CDH18: variants seen among roughly 807,000 people sequenced by gnomAD.
The protein encoded by CDH18 is cadherin-18.
CDH18 carries 31 observed loss-of-function variants against 67.9 expected under a neutral mutation model. The ratio of observed to expected loss-of-function variants is 0.46; its 90% confidence interval spans 0.34 to 0.62. CDH18 has a LOEUF of 0.62. Among genes scored for constraint, CDH18 ranks in the 20% least tolerant of loss-of-function variants. CDH18 has a pLI of 0.01. For missense variants in CDH18, 890 were observed against 975.5 expected, an observed-to-expected ratio of 0.91 and a Z score of 1.17; for synonymous variants, 362 against 347.2, an observed-to-expected ratio of 1.04 and a Z score of -0.48.
At chr5:19,625,379 G>C in intron 5 of CDH18, among the ~76,000 whole-genome samples, 1 of 151,120 alleles carries the variant, frequency 6.6e-6, no homozygotes, top group East Asian at 1.9e-4. Context: ...TTTGTTTACT[G>C]TGTTTTCATT....
chr5:19,922,818 C>T (rs1464106658), intron 2 of CDH18, among the ~76,000 whole-genome samples: 1 of 152,098 alleles, frequency 6.6e-6, no homozygotes, highest in Non-Finnish European at 1.5e-5. Flanking sequence ...AAAAATCATA[C>T]ATCTTCTTCT....
At chr5:19,968,206 G>A (rs1309478527) in intron 2 of CDH18, among the ~76,000 whole-genome samples, 1 of 152,004 alleles carries the variant, frequency 6.6e-6, no homozygotes, top group East Asian at 1.9e-4. Flanking sequence ...ACAAACAAAT[G>A]GAAAAACATT....
chr5:19,491,921 AT>A (rs1249675275), intron 11 of CDH18, among the ~76,000 whole-genome samples: 1 of 152,194 alleles, frequency 6.6e-6, no homozygotes, highest in East Asian at 1.9e-4. Flanking sequence ...TTTCCAGTGC[AT>A]TTTTTCTTGT....
At chr5:20,437,562 C>T (rs1008224145) in intron 1 of CDH18, among the ~76,000 whole-genome samples, 25 of 151,190 alleles carry the variant, frequency 1.7e-4, no homozygotes, top group Non-Finnish European at 1.9e-4. Context: ...ATAATGAAAA[C>T]TGATATTTTC....
chr5:20,566,534 T>C (rs1231118877), intron 1 of CDH18, among the ~76,000 whole-genome samples: 5 of 145,016 alleles, frequency 3.4e-5, no homozygotes, highest in Admixed American at 6.9e-5. Context: ...TAATTTTTTT[T>C]TTTTTTTTTT....
chr5:20,158,575 T>C (rs1295461762), intron 2 of CDH18: 4 of 154,060 alleles, frequency 2.6e-5, no homozygotes, highest in Admixed American at 6.6e-5. Flanking sequence ...TTTCATAAAT[T>C]CATTTTTTGT....
At chr5:19,714,948 C>G (rs968940799) in intron 5 of CDH18, among the ~76,000 whole-genome samples, 5 of 151,986 alleles carry the variant, frequency 3.3e-5, no homozygotes, top group Non-Finnish European at 7.4e-5. Context: ...AAAGCATATT[C>G]TATTGTGAAA....
chr5:19,907,022 T>C lies in CDH18; in HGVS notation c.-256-67780A>G, dbSNP rs555521234. 2.5e-4 allele frequency among the ~76,000 whole-genome samples: 38 copies of C among 152,154 alleles called. 1 individual carries two copies. In the South Asian group the frequency reaches 7.7e-3, roughly 31 times the overall value. ...AATAAAATAATAGTGTTTTGTCTAC[T>C]CTAAGGTATCTAAAATGTAAAAAGA... On this transcript the variant is annotated intron_variant, in intron 2 of 12. Transcript: ENST00000382275.
At chr5:19,758,698 C>G (rs1328477575) in intron 3 of CDH18, among the ~76,000 whole-genome samples, 3 of 152,222 alleles carry the variant, frequency 2.0e-5, no homozygotes, top group Non-Finnish European at 4.4e-5. Flanking sequence ...CCAAATGCAG[C>G]AATTTATCCT....
chr5:19,979,599 T>C (rs963945743), intron 2 of CDH18, among the ~76,000 whole-genome samples: 3 of 152,156 alleles, frequency 2.0e-5, no homozygotes, highest in Admixed American at 6.6e-5. Context: ...TTAAAAGAAT[T>C]AGTACTAAAT....
chr5:20,016,356 C>G (rs1314351012), intron 2 of CDH18, among the ~76,000 whole-genome samples: 2 of 152,036 alleles, frequency 1.3e-5, no homozygotes, highest in Non-Finnish European at 2.9e-5. Flanking sequence ...AAAAATAACT[C>G]TTGGGTACTA....
At chr5:20,111,263 G>C (rs1747432972) in intron 2 of CDH18, among the ~76,000 whole-genome samples, 1 of 152,102 alleles carries the variant, frequency 6.6e-6, no homozygotes, top group African/African-American at 2.4e-5. Flanking sequence ...TGAGTCAAAG[G>C]TTCAGAAGAA....
intron 2 of CDH18, among the ~76,000 whole-genome samples, chr5:19,856,080 C>A (rs546669957): frequency 6.6e-6 from 1 of 152,300 alleles, no homozygotes; most frequent in East Asian, 1.9e-4. Context: ...TAAGTGAAAT[C>A]ATCACATTTC....
intron 2 of CDH18, among the ~76,000 whole-genome samples, chr5:20,018,003 T>A (rs1414368486): frequency 3.9e-5 from 6 of 152,104 alleles, no homozygotes; most frequent in Admixed American, 3.9e-4. Flanking sequence ...ATTGGGAGTA[T>A]GAGAGAGAGA....
At chr5:19,658,956 ATAC>A (rs1756797057) in intron 5 of CDH18, among the ~76,000 whole-genome samples, 1 of 152,080 alleles carries the variant, frequency 6.6e-6, no homozygotes, top group Admixed American at 6.6e-5. Flanking sequence ...ACACCATGGA[ATAC>A]TATGCAGCCA....
intron 2 of CDH18, among the ~76,000 whole-genome samples, chr5:20,034,070 C>T (rs568003454): frequency 6.6e-6 from 1 of 152,102 alleles, no homozygotes; most frequent in South Asian, 2.1e-4. Context: ...TGCATGCTAT[C>T]ATTTCTGAAG....
intron 1 of CDH18, among the ~76,000 whole-genome samples, chr5:20,274,399 G>A (rs963173960): frequency 1.3e-5 from 2 of 152,156 alleles, no homozygotes; most frequent in Admixed American, 1.3e-4. Flanking sequence ...ACCTACAAGG[G>A]TACAATTTAT....
chr5:19,844,827 T>G (rs777781104), intron 2 of CDH18, among the ~76,000 whole-genome samples: 2 of 152,166 alleles, frequency 1.3e-5, no homozygotes, highest in Middle Eastern at 3.2e-3. Context: ...TGATATAATT[T>G]CTAGCTGTCT....
Position 20,335,086 on chromosome 5 carries a change from A to G in CDH18, c.-579-79581T>C, listed in dbSNP as rs181788942. Among the ~76,000 whole-genome samples the G allele has an allele frequency of 3.2e-3, 489 of 152,158 alleles. 5 individuals are homozygous for G. The highest frequency in any genetic ancestry group is 0.012 in the African/African-American group (482 of 41,510). ...ATGAACCTCATTCAAACCTCCCATA[A>G]CGTGTCATCACATCATACAGAGTCA... On this transcript the variant is annotated intron_variant, in intron 1 of 14. Coordinates refer to the CDH18 transcript ENST00000507958.
Sources: gnomAD v4.1 joint callset for allele counts (sites outside exome capture counted in the v4.1 genomes callset) on GRCh38, gnomAD v4.1.1 for gene constraint, MANE v1.5 for transcripts, NCBI Gene and HGNC (gene_info 2026-07-23, HGNC 2026-07-21) for gene names.